The following PHACTR3 variants were observed in gnomAD, a reference collection of about 807,000 sequenced individuals.
The protein encoded by PHACTR3 is protein phosphatase 1, regulatory subunit 123.
In PHACTR3, 16 loss-of-function variants were observed where a neutral mutation model predicts 66.8. The ratio of observed to expected loss-of-function variants is 0.24; its 90% confidence interval spans 0.16 to 0.36. PHACTR3 has a LOEUF of 0.36. PHACTR3 is among the 10% of genes least tolerant of loss of function. The probability of loss-of-function intolerance (pLI) is 1.00; values close to 1 mark genes in which losing one functional copy is unlikely to be tolerated. For synonymous variants in PHACTR3, 323 were observed against 292.1 expected (o/e 1.11, Z -1.08); for missense variants, 647 against 719.9 (o/e 0.90, Z 1.16).
At chr20:59,630,247 G>A (rs1194881083) in intron 1 of PHACTR3, among the ~76,000 whole-genome samples, 1 of 147,316 alleles carries the variant, frequency 6.8e-6, no homozygotes, top group Admixed American at 6.9e-5. Context: ...CAGTGGTATG[G>A]TCTTGGCTCA....
At chr20:59,715,932 G>A (rs1187992297) in intron 1 of PHACTR3, among the ~76,000 whole-genome samples, 3 of 152,224 alleles carry the variant, frequency 2.0e-5, no homozygotes, top group African/African-American at 4.8e-5. Context: ...CACTGCAGCA[G>A]TTAAGGATAC....
intron 7 of PHACTR3, among the ~76,000 whole-genome samples, chr20:59,803,008 T>C (rs2041461931): frequency 6.6e-6 from 1 of 152,166 alleles, no homozygotes; most frequent in African/African-American, 2.4e-5. Context: ...GAGCTCTGGA[T>C]CAGGTCCAAT....
intron 4 of PHACTR3, among the ~76,000 whole-genome samples, chr20:59,755,644 C>A (rs762385994): frequency 6.6e-6 from 1 of 152,114 alleles, no homozygotes; most frequent in African/African-American, 2.4e-5. Context: ...CCTCCCAGGG[C>A]GTCTTTGTGT....
chr20:59,668,373 C>T (rs771831743), intron 1 of PHACTR3, among the ~76,000 whole-genome samples: 140 of 152,222 alleles, frequency 9.2e-4, no homozygotes, highest in Non-Finnish European at 1.7e-3. Flanking sequence ...GGCACGTACA[C>T]CCGTACGGGG....
intron 1 of PHACTR3, among the ~76,000 whole-genome samples, chr20:59,644,245 G>C (rs1568955622): frequency 6.6e-6 from 1 of 152,210 alleles, no homozygotes; most frequent in South Asian, 2.1e-4. Context: ...TGGTGATGGA[G>C]AAGGCAGCTG....
chr20:59,806,155 G>C lies in PHACTR3; in HGVS notation c.1289G>C (p.Arg430Thr). ...NIFPRRTDEE[R>T]QEIRQQIEMK... is the part of the protein sequence containing the mutation. ...TTCCCCAGAAGGACTGATGAAGAAA[G>C]ACAGGAGATCCGGCAGCAGATCGAG... Residue 430 changes from arginine to threonine, a missense_variant, in exon 8 of 13, where the codon AGA (arginine) becomes ACA (threonine). Arg to Thr is a moderately conservative substitution (Grantham distance 71). Coordinates refer to ENST00000371015, the MANE Select transcript of PHACTR3 (RefSeq NM_080672.5). 6.2e-7 allele frequency: 1 copy of C among 1,614,244 alleles called. No homozygotes were observed. Among genetic ancestry groups the C allele is most frequent in the Non-Finnish European group, 8.5e-7 (1 of 1,180,048 alleles).
chr20:59,754,936 G>A (rs969029362), intron 3 of PHACTR3, among the ~76,000 whole-genome samples: 1 of 152,216 alleles, frequency 6.6e-6, no homozygotes, highest in African/African-American at 2.4e-5. Flanking sequence ...CACAGGTGTC[G>A]GAGGAAGAGT....
chr20:59,810,784 G>C (rs1265042420), intron 8 of PHACTR3, among the ~76,000 whole-genome samples: 1 of 152,186 alleles, frequency 6.6e-6, no homozygotes, highest in Non-Finnish European at 1.5e-5. Flanking sequence ...GAAGCTCTAT[G>C]CTGATTTTCA....
intron 4 of PHACTR3, among the ~76,000 whole-genome samples, chr20:59,757,806 T>G (rs912139416): frequency 6.6e-6 from 1 of 152,172 alleles, no homozygotes; most frequent in Non-Finnish European, 1.5e-5. Context: ...TTTTGTTTTT[T>G]GTTTTTGGTT....
chr20:59,714,602 T>C (rs1380153967), intron 1 of PHACTR3, among the ~76,000 whole-genome samples: 1 of 152,238 alleles, frequency 6.6e-6, no homozygotes, highest in African/African-American at 2.4e-5. Context: ...TCAGTCATGA[T>C]ATCTGATAGT....
intron 8 of PHACTR3, among the ~76,000 whole-genome samples, chr20:59,813,209 T>C (rs6123948): frequency 0.2 from 28,319 of 142,292 alleles, 3,943 homozygotes; most frequent in African/African-American, 0.45. Flanking sequence ...CTTACTACCT[T>C]CCCCAAGACC....
At chr20:59,794,408 T>A (rs926252242) in intron 7 of PHACTR3, among the ~76,000 whole-genome samples, 46 of 152,212 alleles carry the variant, frequency 3.0e-4, no homozygotes, top group Admixed American at 2.6e-4. Flanking sequence ...CTGATCATGT[T>A]GAAGGATCTT....
chr20:59,797,533 G>T (rs6027120), intron 7 of PHACTR3, among the ~76,000 whole-genome samples: 4,680 of 152,208 alleles, frequency 0.031, 224 homozygotes, highest in African/African-American at 0.11. Context: ...CAGTAGGGTA[G>T]AGTACATTGC....
Position 59,674,505 on chromosome 20 carries a change from T to TC in PHACTR3, c.119-68597dup, listed in dbSNP as rs561914928. On this transcript the variant is annotated intron_variant, in intron 1 of 12. Coordinates refer to ENST00000371015, the MANE Select transcript of PHACTR3 (RefSeq NM_080672.5). ...CTTGTTCTCGTTCCCCTTCTCCTGT[T>TC]CCCCCTTCTCCTGTCCCCGCTTCTT... Among the ~76,000 whole-genome samples, 645 of 101,526 alleles carry TC rather than the reference T, an allele frequency of 6.4e-3. 39 individuals are homozygous for TC. The highest frequency in any genetic ancestry group is 0.028 in the African/African-American group (581 of 21,020). 66.6% of individuals were successfully genotyped at this position (101,526 alleles called of 152,430 possible). A position where few individuals can be genotyped will look rare whatever the true frequency, so the allele number is the denominator to read the frequency against.
chr20:59,840,304 A>G, intron 9 of PHACTR3, 65 bp from the exon 10 acceptor site: 1 of 1,574,308 alleles, frequency 6.4e-7, no homozygotes, highest in South Asian at 1.2e-5. Flanking sequence ...TTCCCTGCTG[A>G]AGAGAAGAAC....
intron 1 of PHACTR3, among the ~76,000 whole-genome samples, chr20:59,669,687 G>A (rs1255757439): frequency 6.6e-6 from 1 of 152,132 alleles, no homozygotes; most frequent in Non-Finnish European, 1.5e-5. Flanking sequence ...CTTTAGATTT[G>A]CCTATTCTGG....
At position 59,774,471 on chromosome 20, in the gene PHACTR3, G is replaced by A; in HGVS notation, c.1155G>A (p.Leu385=). ...DLLLYQDEEA[L]NDSIISGTLP... is the part of the protein sequence containing the mutation. Reference sequence around the variant, plus strand: ...TTTTGTATCAGGACGAGGAGGCGCTGAACGACTCCATTATTTCTGGTGAGG... The same window carrying A: ...TTTTGTATCAGGACGAGGAGGCGCTAAACGACTCCATTATTTCTGGTGAGG... The change falls in exon 7 of 13, where the codon CTG becomes CTA. Residue 385 remains leucine, a synonymous_variant. Transcript: ENST00000371015. The A allele has an allele frequency of 6.2e-7, 1 of 1,613,714 alleles. No homozygotes were observed. Among genetic ancestry groups the A allele is most frequent in the Non-Finnish European group, 8.5e-7 (1 of 1,179,756 alleles).
rs138128261 is a variant in PHACTR3 at position 59,732,344 on chromosome 20, T to A, written c.119-10763T>A. Among the ~76,000 whole-genome samples, 1,238 of 152,318 alleles carry A rather than the reference T, an allele frequency of 8.1e-3. 9 individuals carry two copies. The highest frequency in any genetic ancestry group is 0.027 in the Middle Eastern group (8 of 294). On this transcript the variant is annotated intron_variant, in intron 1 of 12. Coordinates refer to ENST00000371015, the MANE Select transcript of PHACTR3 (RefSeq NM_080672.5). ...GTGCTCTGAGCCTCTACTTTTTAAA[T>A]GTAAAATGGAGCTGAAAATATAGGC...
chr20:59,714,643 A>G (rs1238408264), intron 1 of PHACTR3, among the ~76,000 whole-genome samples: 1 of 152,136 alleles, frequency 6.6e-6, no homozygotes, highest in Admixed American at 6.5e-5. Context: ...TTTTTTCTTC[A>G]AGATCATCTT....
Sources: gnomAD v4.1 joint callset for allele counts (sites outside exome capture counted in the v4.1 genomes callset) on GRCh38, gnomAD v4.1.1 for gene constraint, MANE v1.5 for transcripts, NCBI Gene and HGNC (gene_info 2026-07-23, HGNC 2026-07-21) for gene names.